SEC14L5: variants seen among roughly 807,000 people sequenced by gnomAD.
The protein encoded by SEC14L5 is SEC14-like protein 5.
Under a neutral mutation model 84.6 loss-of-function variants are expected in SEC14L5, and 96 were observed. The ratio of observed to expected loss-of-function variants is 1.13; its 90% CI spans 0.96 to 1.34. SEC14L5 has a LOEUF of 1.34. SEC14L5 is among the 40% of genes most tolerant of loss of function. The pLI, the probability that SEC14L5 is intolerant of heterozygous loss-of-function variation, is 0.00. For synonymous variants in SEC14L5, 546 were observed against 383.4 expected (o/e 1.42, Z -4.95); for missense variants, 1,224 against 942.5 (o/e 1.30, Z -3.91).
chr16:4,961,294 A>G (rs1022079521), intron 2 of SEC14L5, among the ~76,000 whole-genome samples: 1 of 140,518 alleles, frequency 7.1e-6, no homozygotes, highest in African/African-American at 2.5e-5. Context: ...CAGCAACAAC[A>G]ACAACAACAA....
At chr16:4,979,743 T>C (rs949809936) in intron 2 of SEC14L5, among the ~76,000 whole-genome samples, 7 of 151,712 alleles carry the variant, frequency 4.6e-5, no homozygotes, top group Non-Finnish European at 1.0e-4. Flanking sequence ...TCATTTTCCC[T>C]GCAGCAGGAG....
In SEC14L5 at chr16:5,000,900, A is replaced by T. The variant is rs1388190770; in HGVS notation, c.1105A>T (p.Thr369Ser). The T allele has an allele frequency of 6.2e-7, 1 of 1,608,534 alleles. No individual in the cohort carries two copies. Among genetic ancestry groups the T allele is most frequent in the South Asian group, 1.1e-5 (1 of 89,876 alleles). Residue 369 changes from threonine to serine, a missense_variant, in exon 10 of 16, where the codon ACA becomes TCA. By Grantham distance (58) the Thr-to-Ser change is moderately conservative. Coordinates refer to ENST00000251170, the MANE Select transcript of SEC14L5 (RefSeq NM_014692.2). ...AGGACAGAAGCGGTGTGAGGGGAGC[A>T]CAAGGCAGCTGGGCCGTCCCATCAG... is the stretch of plus-strand genomic sequence containing the variant. ...EEGQKRCEGS[T>S]RQLGRPISSW...
chr16:4,993,516 A>G (rs1406010383), intron 6 of SEC14L5, among the ~76,000 whole-genome samples: 1 of 152,252 alleles, frequency 6.6e-6, no homozygotes, highest in Non-Finnish European at 1.5e-5. Flanking sequence ...TGCTGGAATT[A>G]CATGTGAGCC....
chr16:4,972,763 C>A (rs890963326), intron 2 of SEC14L5, among the ~76,000 whole-genome samples: 18 of 152,198 alleles, frequency 1.2e-4, no homozygotes, highest in Non-Finnish European at 2.6e-4. Flanking sequence ...TGTTTTCCCC[C>A]TTTTGATCAT....
chr16:4,987,500 G>GGC lies in SEC14L5; in HGVS notation c.64-56_64-55insCG, dbSNP rs1357561759. 123 of 1,258,056 alleles carry GGC rather than the reference G, an allele frequency of 9.8e-5. 2 individuals are homozygous for GGC. In the South Asian group the frequency reaches 1.4e-3, roughly 15 times the overall value. The allele number at this position is 1,258,056 out of a possible 1,614,324, so 77.9% of individuals were successfully genotyped here. A position where few individuals can be genotyped will look rare whatever the true frequency, so the allele number is the denominator to read the frequency against. ...ACAGCAGATAAGGAGGTCGCGCTGGGGGGGGGGGTCCCTCTGCCCCCCCCA... is the reference window on the plus strand; with the variant it reads ...ACAGCAGATAAGGAGGTCGCGCTGGGGCGGGGGGGGTCCCTCTGCCCCCCCCA... On this transcript the variant is annotated intron_variant, in intron 2 of 15. Transcript: ENST00000251170.
chr16:4,965,660 C>CAAAAAA (rs34483309), intron 2 of SEC14L5, among the ~76,000 whole-genome samples: 32 of 53,114 alleles, frequency 6.0e-4, no homozygotes, highest in East Asian at 1.9e-3. Context: ...GACTCCATCT[C>CAAAAAA]AAAAAAAAAA....
At position 5,017,665 on chromosome 16, in the gene SEC14L5, A is replaced by T. The variant is rs959559432; in HGVS notation, c.*2695A>T. 2.0e-5 allele frequency: 3 copies of T among 152,222 alleles called. No homozygotes were observed. The highest frequency in any genetic ancestry group is 4.4e-5 in the Non-Finnish European group (3 of 68,064). The allele number at this position is 152,222 out of a possible 1,614,324, so 9.4% of individuals were successfully genotyped here. ...CATTCCCTGCAGAAGCCGCAGCAGG[A>T]TTGGGGAGGGCCATTCCCCCAATGG... On this transcript the variant is annotated 3_prime_UTR_variant, in exon 16 of 16. Transcript: ENST00000251170.
At position 5,008,795 on chromosome 16, in the gene SEC14L5, C is replaced by T. The variant is rs538111033; in HGVS notation, c.1800+147C>T. 48 of 670,530 alleles carry T rather than the reference C, an allele frequency of 7.2e-5. No individual in the cohort carries two copies. The East Asian group carries it at 1.4e-3, about 19-fold the overall frequency. 41.5% of individuals were successfully genotyped at this position (670,530 alleles called of 1,614,324 possible). ...TGCAGGACAGGGCAGAGGAAAGACA[C>T]ACAGGGTCTCATGTAATGAAGTGCT... is the stretch of plus-strand genomic sequence containing the variant. On this transcript the variant is annotated intron_variant, in intron 14 of 15. Transcript: ENST00000251170.
Position 5,014,822 on chromosome 16 carries a change from GT to G in SEC14L5, c.1980-36del, listed in dbSNP as rs754392806. 3 of 1,530,518 alleles carry G rather than the reference GT, an allele frequency of 2.0e-6. No individual in the cohort carries two copies. The South Asian group carries it at 3.4e-5, about 17-fold the overall frequency. 94.8% of individuals were successfully genotyped at this position (1,530,518 alleles called of 1,614,324 possible). On this transcript the variant is annotated intron_variant, in intron 15 of 15. Transcript: ENST00000251170. ...GTGTCAGCCCAAGGGCCTTGTCACT[GT>G]GAGAGGGTAACGTGTGCCACGCCCT...
At chr16:4,998,493 C>G (rs1236591008) in intron 8 of SEC14L5, among the ~76,000 whole-genome samples, 1 of 150,982 alleles carries the variant, frequency 6.6e-6, no homozygotes, top group Non-Finnish European at 1.5e-5. Flanking sequence ...AATCCCAGCA[C>G]TTTGGGAGGC....
rs773333113 is a variant in SEC14L5, at chr16:5,014,991, C to T, written c.*21C>T. On this transcript the variant is annotated 3_prime_UTR_variant, in exon 16 of 16. Coordinates refer to ENST00000251170, the MANE Select transcript of SEC14L5 (RefSeq NM_014692.2). ...GATAGCCGGGCCCAGTGTTTCAGGG[C>T]CGCCCGCTCGCCTCCAGTGTCCAGA... 1 of 1,566,856 alleles carries T rather than the reference C, an allele frequency of 6.4e-7. No individual in the cohort carries two copies. The highest frequency in any genetic ancestry group is 1.1e-5 in the South Asian group (1 of 90,268).
intron 2 of SEC14L5, among the ~76,000 whole-genome samples, chr16:4,972,404 T>G (rs550382028): frequency 1.8e-4 from 27 of 152,214 alleles, no homozygotes; most frequent in Non-Finnish European, 3.1e-4. Context: ...ATTCACGTTA[T>G]TGTGCAACTG....
chr16:4,975,006 G>C (rs1208884191), intron 2 of SEC14L5, among the ~76,000 whole-genome samples: 1 of 151,946 alleles, frequency 6.6e-6, no homozygotes, highest in Non-Finnish European at 1.5e-5. Flanking sequence ...TCAAACTCCT[G>C]ACCTCAAGTA....
chr16:4,959,225 G>T, intron 1 of SEC14L5, 48 bp from the exon 2 acceptor site: 1 of 895,528 alleles, frequency 1.1e-6, no homozygotes. Context: ...TGGTGTCCCT[G>T]CTTCCCGAGG....
intron 2 of SEC14L5, among the ~76,000 whole-genome samples, chr16:4,966,256 G>A (rs190142535): frequency 2.2e-4 from 32 of 145,502 alleles, no homozygotes; most frequent in Admixed American, 8.3e-4. Flanking sequence ...GTGACCCACC[G>A]CGCCCGGCCT....
At chr16:4,991,711 C>T (rs962325046) in intron 5 of SEC14L5, 127 bp from the exon 6 acceptor site, 8 of 559,556 alleles carry the variant, frequency 1.4e-5, no homozygotes, top group Non-Finnish European at 1.9e-5. Context: ...CAGACACATC[C>T]AGCCACTCAA....
chr16:4,988,220 C>G lies in SEC14L5; in HGVS notation c.285C>G (p.Ile95Met). Residue 95 changes from isoleucine (I) to methionine (M), a missense_variant, in exon 4 of 16, where the codon ATC (isoleucine) becomes ATG (methionine). Transcript: ENST00000251170. ...ILNWKERTLLIEAHNETFANR... is the reference protein window; with the variant it reads ...ILNWKERTLLMEAHNETFANR... ...ACTGGAAGGAGAGGACGCTCCTCAT[C>G]GAAGCGCACAATGAGACCTTCGCCA... 1 of 1,612,662 alleles carries G rather than the reference C, an allele frequency of 6.2e-7. No individual in the cohort carries two copies. Among genetic ancestry groups the G allele is most frequent in the Non-Finnish European group, 8.5e-7 (1 of 1,179,022 alleles).
At position 5,011,110 on chromosome 16, in the gene SEC14L5, C is replaced by T. The variant is rs368385237; in HGVS notation, c.1816C>T (p.Arg606Trp). 2.1e-5 allele frequency: 33 copies of T among 1,603,642 alleles called. No individual in the cohort carries two copies. Among genetic ancestry groups the T allele is most frequent in the Middle Eastern group, 1.7e-4 (1 of 5,972 alleles). ...TGTGTTTCAGGGCTCCCATGTGACCCGGTGGCCCGGCGTCTACCTGCTCCA... is the reference window on the plus strand; with the variant it reads ...TGTGTTTCAGGGCTCCCATGTGACCTGGTGGCCCGGCGTCTACCTGCTCCA... ...GESIQGSHVT[R>W]WPGVYLLQWQ... is the part of the protein sequence containing the mutation. Residue 606 changes from arginine to tryptophan, a missense_variant, in exon 15 of 16, where the codon CGG becomes TGG. Physicochemically the swap from Arg to Trp is moderately radical, Grantham distance 101. Coordinates refer to ENST00000251170, the MANE Select transcript of SEC14L5 (RefSeq NM_014692.2).
At position 4,996,918 on chromosome 16, in the gene SEC14L5, C is replaced by G. The variant is rs199609540; in HGVS notation, c.844C>G (p.Arg282Gly). 3.1e-6 allele frequency: 5 copies of G among 1,613,740 alleles called. No individual in the cohort carries two copies. The highest frequency in any genetic ancestry group is 1.1e-5 in the South Asian group (1 of 91,050). Residue 282 changes from arginine to glycine, a missense_variant, in exon 8 of 16, where the codon CGG becomes GGG. Coordinates refer to ENST00000251170, the MANE Select transcript of SEC14L5 (RefSeq NM_014692.2). Reference sequence around the variant, plus strand: ...TCATGACTTCCACCTGGACAAGGCCCGGGAAATGCTGCGCCAGTCCTTGAG... The same window carrying G: ...TCATGACTTCCACCTGGACAAGGCCGGGGAAATGCTGCGCCAGTCCTTGAG... ...RAHDFHLDKA[R>G]EMLRQSLSWR...
Sources: allele counts gnomAD v4.1 joint callset (sites outside exome capture counted in the v4.1 genomes callset), GRCh38; gene constraint gnomAD v4.1.1; transcripts MANE v1.5; gene names NCBI Gene and HGNC (gene_info 2026-07-23, HGNC 2026-07-21).